Variants in SMAD2 observed in about 807,000 individuals in gnomAD.
SMAD2 encodes SMAD family member 2.
A neutral mutation model predicts 64.4 loss-of-function variants in SMAD2; 8 were observed. That is an observed-to-expected ratio of 0.12 (90% confidence interval 0.07 to 0.22). The LOEUF is 0.22. Ranked by LOEUF, SMAD2 falls within the 10% of genes least tolerant of loss-of-function variation. The pLI, the probability that SMAD2 is intolerant of heterozygous loss-of-function variation, is 1.00. For missense variants in SMAD2, 289 were observed against 561.2 expected, an observed-to-expected ratio of 0.51 and a Z score of 4.90; for synonymous variants, 203 against 195.8, an observed-to-expected ratio of 1.04 and a Z score of -0.31.
chr18:47,876,675 T>C (rs1160882668), intron 2 of SMAD2, among the ~76,000 whole-genome samples: 1 of 152,060 alleles, frequency 6.6e-6, no homozygotes, highest in Non-Finnish European at 1.5e-5. Flanking sequence ...CTTATCAAAT[T>C]TCCCTAGTAA....
At chr18:47,888,644 G>C (rs1287201038) in intron 2 of SMAD2, among the ~76,000 whole-genome samples, 2 of 152,162 alleles carry the variant, frequency 1.3e-5, no homozygotes, top group African/African-American at 4.8e-5. Context: ...GCCCCACCCA[G>C]CTCAATCGCT....
At chr18:47,873,503 A>C (rs2032070512) in intron 2 of SMAD2, among the ~76,000 whole-genome samples, 1 of 152,188 alleles carries the variant, frequency 6.6e-6, no homozygotes, top group Admixed American at 6.5e-5. Context: ...AATTCTAACA[A>C]ATAGTAAAGA....
chr18:47,924,598 AC>A (rs985079974), intron 1 of SMAD2, among the ~76,000 whole-genome samples: 24 of 151,874 alleles, frequency 1.6e-4, no homozygotes, highest in Non-Finnish European at 2.8e-4. Flanking sequence ...AGCAGCTGGG[AC>A]TACAGGTACC....
At chr18:47,922,920 A>G (rs1465396642) in intron 1 of SMAD2, among the ~76,000 whole-genome samples, 1 of 152,252 alleles carries the variant, frequency 6.6e-6, no homozygotes, top group Non-Finnish European at 1.5e-5. Context: ...TTTTAAACAA[A>G]AGCAAACAGA....
chr18:47,907,903 C>A (rs747941038), intron 1 of SMAD2, among the ~76,000 whole-genome samples: 2 of 152,196 alleles, frequency 1.3e-5, no homozygotes, highest in Non-Finnish European at 2.9e-5. Context: ...CCACTGCACT[C>A]CAGCACCCTG....
chr18:47,923,045 G>C (rs1240864645), intron 1 of SMAD2, among the ~76,000 whole-genome samples: 1 of 128,078 alleles, frequency 7.8e-6, no homozygotes, highest in Non-Finnish European at 1.6e-5. Flanking sequence ...GCTGTGTAAA[G>C]AGACTACTTA....
intron 2 of SMAD2, among the ~76,000 whole-genome samples, chr18:47,889,067 T>G (rs2033055946): frequency 6.6e-6 from 1 of 150,748 alleles, no homozygotes. Flanking sequence ...ATCAGTAAAC[T>G]CAAAAGTAGA....
At chr18:47,882,511 T>C (rs2032667540) in intron 2 of SMAD2, 1 of 152,244 alleles carries the variant, frequency 6.6e-6, no homozygotes, top group Non-Finnish European at 1.5e-5. Flanking sequence ...CTGATTACTT[T>C]TTGAAAGTTA....
At chr18:47,859,940 G>A (rs1157252663) in intron 6 of SMAD2, among the ~76,000 whole-genome samples, 1 of 152,166 alleles carries the variant, frequency 6.6e-6, no homozygotes, top group East Asian at 1.9e-4. Flanking sequence ...ACATTCTCCA[G>A]CCTTGGCAAC....
intron 2 of SMAD2, among the ~76,000 whole-genome samples, chr18:47,872,414 T>TA (rs1437869172): frequency 1.3e-5 from 2 of 151,966 alleles, no homozygotes; most frequent in Admixed American, 6.6e-5. Flanking sequence ...TTTTTAAAAC[T>TA]AAAAAATACA....
intron 1 of SMAD2, among the ~76,000 whole-genome samples, chr18:47,915,824 C>T (rs1484435293): frequency 2.6e-5 from 4 of 152,178 alleles, no homozygotes; most frequent in African/African-American, 9.7e-5. Flanking sequence ...ATCCACCTTC[C>T]CCCGTCAGGC....
intron 7 of SMAD2, 79 bp downstream of exon 7, chr18:47,851,195 A>T: frequency 2.0e-6 from 2 of 1,018,854 alleles, no homozygotes; most frequent in Admixed American, 1.8e-5. Flanking sequence ...TATATAAAAA[A>T]TAACTCCTAG....
In SMAD2 at chr18:47,915,559, A is replaced by G. The variant is rs372494726; in HGVS notation, c.-54+14802T>C. Among the ~76,000 whole-genome samples the G allele has an allele frequency of 1.7e-4, 26 of 152,334 alleles. No homozygotes were observed. The South Asian group carries it at 5.2e-3, about 30-fold the overall frequency. ...CTAGGGCAGAAAATTTCAAACTTTC[A>G]AACTTTTTAACCAAAAAAAGTCCCA... On this transcript the variant is annotated intron_variant, in intron 1 of 10. Transcript: ENST00000262160.
chr18:47,906,855 T>C, intron 1 of SMAD2, among the ~76,000 whole-genome samples: 1 of 152,104 alleles, frequency 6.6e-6, no homozygotes, highest in East Asian at 1.9e-4. Context: ...TGCCTTCTCT[T>C]CTGTATTCAA....
At chr18:47,921,545 T>C (rs546836931) in intron 1 of SMAD2, among the ~76,000 whole-genome samples, 2 of 152,344 alleles carry the variant, frequency 1.3e-5, no homozygotes, top group South Asian at 2.1e-4. Context: ...TTAAAGTCCA[T>C]CTAAAGCCTA....
chr18:47,844,077 TAAC>T (rs1486215468), intron 10 of SMAD2, among the ~76,000 whole-genome samples: 4 of 152,122 alleles, frequency 2.6e-5, no homozygotes, highest in African/African-American at 7.2e-5. Context: ...TCTTAACAGG[TAAC>T]AACATCTCAA....
intron 2 of SMAD2, among the ~76,000 whole-genome samples, chr18:47,875,874 T>G (rs889331598): frequency 1.3e-5 from 2 of 152,100 alleles, no homozygotes; most frequent in Non-Finnish European, 2.9e-5. Context: ...CCATCACCTA[T>G]TAAATTGATG....
chr18:47,884,923 G>A (rs2032802801), intron 2 of SMAD2, among the ~76,000 whole-genome samples: 1 of 151,964 alleles, frequency 6.6e-6, no homozygotes, highest in African/African-American at 2.4e-5. Context: ...TGATATTTCT[G>A]CTGCCCCTGA....
intron 1 of SMAD2, among the ~76,000 whole-genome samples, chr18:47,928,439 A>C (rs903619053): frequency 3.3e-5 from 5 of 152,246 alleles, no homozygotes; most frequent in African/African-American, 7.2e-5. Context: ...TTACAATGTG[A>C]AAATGAAAAG....
Sources: gnomAD v4.1 joint callset for allele counts (sites outside exome capture counted in the v4.1 genomes callset) on GRCh38, gnomAD v4.1.1 for gene constraint, MANE v1.5 for transcripts, NCBI Gene and HGNC (gene_info 2026-07-23, HGNC 2026-07-21) for gene names.